The following FOXP1 variants were observed in gnomAD, a reference collection of about 807,000 sequenced individuals.
The protein encoded by FOXP1 is forkhead box P1.
Under a neutral mutation model 98.2 loss-of-function variants are expected in FOXP1, and 15 were observed. The observed-to-expected ratio is 0.15, with a 90% CI of 0.10 to 0.24. The LOEUF (loss-of-function observed/expected upper bound fraction) is 0.24, where lower values mean the gene tolerates loss of function less well. Ranked by LOEUF, FOXP1 falls within the 10% of genes least tolerant of loss-of-function variation. The pLI is 1.00. For missense variants in FOXP1, 633 were observed against 848.5 expected (o/e 0.75, Z 3.15); for synonymous variants, 371 against 314.5 (o/e 1.18, Z -1.90).
intron 6 of FOXP1, among the ~76,000 whole-genome samples, chr3:71,143,806 G>A (rs191323842): frequency 9.8e-5 from 15 of 152,306 alleles, no homozygotes; most frequent in South Asian, 4.1e-4. Context: ...TAAGTGTTAC[G>A]ACGATTACTT....
At chr3:71,572,991 G>A (rs2047450994) in intron 2 of FOXP1, among the ~76,000 whole-genome samples, 1 of 152,120 alleles carries the variant, frequency 6.6e-6, no homozygotes, top group African/African-American at 2.4e-5. Flanking sequence ...ACTCTATTCA[G>A]TAATTCGGAC....
chr3:71,135,655 C>T (rs1252706300), intron 6 of FOXP1, among the ~76,000 whole-genome samples: 1 of 152,190 alleles, frequency 6.6e-6, no homozygotes, highest in Non-Finnish European at 1.5e-5. Context: ...CAGGACTGAA[C>T]TGCAAACAAC....
intron 2 of FOXP1, among the ~76,000 whole-genome samples, chr3:71,519,157 A>T (rs1231490919): frequency 6.6e-6 from 1 of 152,224 alleles, no homozygotes; most frequent in African/African-American, 2.4e-5. Context: ...GAGGCAGGAG[A>T]ATCACTGGAA....
At chr3:71,382,370 G>A (rs1229922651) in intron 3 of FOXP1, among the ~76,000 whole-genome samples, 67 of 152,210 alleles carry the variant, frequency 4.4e-4, no homozygotes, top group Non-Finnish European at 2.2e-4. Flanking sequence ...ACTTCCAAAC[G>A]GGACCAACTG....
intron 4 of FOXP1, among the ~76,000 whole-genome samples, chr3:71,313,146 G>A (rs372887717): frequency 2.9e-5 from 4 of 135,728 alleles, no homozygotes; most frequent in Non-Finnish European, 4.6e-5. Flanking sequence ...TGCAAGCTCC[G>A]CCTCCCGGAT....
chr3:71,297,321 T>C (rs1039994039), intron 5 of FOXP1, among the ~76,000 whole-genome samples: 1 of 152,098 alleles, frequency 6.6e-6, no homozygotes, highest in South Asian at 2.1e-4. Context: ...TCTAGAAACA[T>C]TTCTTTCCAA....
intron 3 of FOXP1, among the ~76,000 whole-genome samples, chr3:71,492,009 C>T (rs181871497): frequency 6.6e-6 from 1 of 152,176 alleles, no homozygotes; most frequent in Non-Finnish European, 1.5e-5. Context: ...ATGGTCCAGC[C>T]CAGACCAACC....
chr3:71,056,057 G>A (rs556480106), intron 7 of FOXP1, among the ~76,000 whole-genome samples: 2 of 152,150 alleles, frequency 1.3e-5, no homozygotes, highest in African/African-American at 4.8e-5. Context: ...TGAACTTTTG[G>A]GGGCGATGGA....
intron 3 of FOXP1, among the ~76,000 whole-genome samples, chr3:71,478,219 T>C (rs1264816330): frequency 6.6e-6 from 1 of 152,204 alleles, no homozygotes; most frequent in Non-Finnish European, 1.5e-5. Context: ...AGAAAAGTCC[T>C]CTGATAGAAT....
intron 12 of FOXP1, among the ~76,000 whole-genome samples, chr3:71,006,271 A>G (rs1277697057): frequency 1.3e-5 from 2 of 152,050 alleles, no homozygotes; most frequent in Non-Finnish European, 2.9e-5. Context: ...TAATAATAAT[A>G]AAAAAATCTA....
chr3:71,278,342 C>T (rs1290508145), intron 5 of FOXP1, among the ~76,000 whole-genome samples: 4 of 152,180 alleles, frequency 2.6e-5, no homozygotes, highest in Non-Finnish European at 5.9e-5. Flanking sequence ...ATCTTTCCCT[C>T]CTTTATGAGC....
chr3:71,231,374 C>CA (rs1319055464), intron 5 of FOXP1, among the ~76,000 whole-genome samples: 3 of 151,776 alleles, frequency 2.0e-5, no homozygotes, highest in Admixed American at 2.0e-4. Context: ...TACAATGAAT[C>CA]AAAAAACATG....
intron 10 of FOXP1, among the ~76,000 whole-genome samples, chr3:71,042,172 G>C (rs2048439600): frequency 6.6e-6 from 1 of 152,120 alleles, no homozygotes; most frequent in Non-Finnish European, 1.5e-5. Context: ...CTGAAAAACT[G>C]TGTAACTTTT....
chr3:71,468,188 GA>G (rs949194081), intron 3 of FOXP1, among the ~76,000 whole-genome samples: 1 of 151,252 alleles, frequency 6.6e-6, no homozygotes, highest in Non-Finnish European at 1.5e-5. Context: ...CCAAACATTT[GA>G]AAAAATGAAT....
At chr3:71,236,054 A>G (rs946540291) in intron 5 of FOXP1, among the ~76,000 whole-genome samples, 2 of 152,210 alleles carry the variant, frequency 1.3e-5, no homozygotes, top group African/African-American at 4.8e-5. Context: ...AAAGCCCAGG[A>G]TAAGAGAATC....
At chr3:71,493,999 C>T (rs950976646) in intron 2 of FOXP1, among the ~76,000 whole-genome samples, 7 of 151,974 alleles carry the variant, frequency 4.6e-5, no homozygotes, top group Non-Finnish European at 8.8e-5. Flanking sequence ...GTACTAATAA[C>T]GAACATTAAA....
intron 5 of FOXP1, among the ~76,000 whole-genome samples, chr3:71,230,659 G>A (rs1446594985): frequency 6.6e-6 from 1 of 152,194 alleles, no homozygotes; most frequent in East Asian, 1.9e-4. Flanking sequence ...AATACTCGGG[G>A]AAGAAAGAAA....
intron 6 of FOXP1, among the ~76,000 whole-genome samples, chr3:71,182,281 C>T (rs568744677): frequency 6.6e-6 from 1 of 152,132 alleles, no homozygotes; most frequent in African/African-American, 2.4e-5. Flanking sequence ...AATCCTTGTA[C>T]CTGCACAAAT....
At chr3:71,267,254 G>A (rs1304236280) in intron 5 of FOXP1, among the ~76,000 whole-genome samples, 2 of 152,092 alleles carry the variant, frequency 1.3e-5, no homozygotes, top group Non-Finnish European at 2.9e-5. Context: ...GAGCTCTGAA[G>A]CAATGGAAGT....
Sources: gnomAD v4.1 joint callset for allele counts (sites outside exome capture counted in the v4.1 genomes callset) on GRCh38, gnomAD v4.1.1 for gene constraint, MANE v1.5 for transcripts, NCBI Gene and HGNC (gene_info 2026-07-23, HGNC 2026-07-21) for gene names.